Variants in CDH13 observed in about 807,000 individuals in gnomAD.
The protein encoded by CDH13 is cadherin-13.
Under a neutral mutation model 63.8 loss-of-function variants are expected in CDH13, and 24 were observed. The ratio of observed to expected loss-of-function variants is 0.38; its 90% CI spans 0.27 to 0.53. CDH13 has a LOEUF of 0.53. Ranked by LOEUF, CDH13 falls within the 20% of genes least tolerant of loss-of-function variation. The probability of loss-of-function intolerance (pLI) is 0.85; values close to 1 mark genes in which losing one functional copy is unlikely to be tolerated. For missense variants in CDH13, 1,049 were observed against 903.1 expected, an observed-to-expected ratio of 1.16 and a Z score of -2.07; for synonymous variants, 503 against 355.3, an observed-to-expected ratio of 1.42 and a Z score of -4.67.
intron 6 of CDH13, among the ~76,000 whole-genome samples, chr16:83,482,558 T>C (rs966563352): frequency 6.6e-6 from 1 of 152,240 alleles, no homozygotes; most frequent in Non-Finnish European, 1.5e-5. Context: ...ATTTAGAGAA[T>C]GCTGGTTTAG....
At chr16:83,652,146 C>A (rs1322356981) in intron 8 of CDH13, among the ~76,000 whole-genome samples, 1 of 152,114 alleles carries the variant, frequency 6.6e-6, no homozygotes, top group Non-Finnish European at 1.5e-5. Flanking sequence ...ACAGTCGGGC[C>A]CAAGGGGTCT....
chr16:83,279,365 T>A (rs2089091746), intron 5 of CDH13, among the ~76,000 whole-genome samples: 1 of 152,220 alleles, frequency 6.6e-6, no homozygotes, highest in Non-Finnish European at 1.5e-5. Flanking sequence ...ATAGTCACAA[T>A]GCCGAGGGGC....
intron 2 of CDH13, among the ~76,000 whole-genome samples, chr16:82,934,364 G>T (rs1432277221): frequency 1.3e-5 from 2 of 152,186 alleles, no homozygotes; most frequent in Non-Finnish European, 2.9e-5. Context: ...CTGGGACACA[G>T]AGCACTAAGT....
At position 83,800,112 on chromosome 16, in the gene CDH13, C is replaced by T. The variant is rs1597250544; in HGVS notation, c.*5082C>T. 6.6e-6 allele frequency: 1 copy of T among 152,208 alleles called. No individual in the cohort carries two copies. Among genetic ancestry groups the T allele is most frequent in the East Asian group, 1.9e-4 (1 of 5,182 alleles). The allele number at this position is 152,208 out of a possible 1,614,324, so 9.4% of individuals were successfully genotyped here. A position where few individuals can be genotyped will look rare whatever the true frequency, so the allele number is the denominator to read the frequency against. On this transcript the variant is annotated 3_prime_UTR_variant, in exon 14 of 14. Coordinates refer to ENST00000567109, the MANE Select transcript of CDH13 (RefSeq NM_001257.5). Reference sequence around the variant, plus strand: ...CTTTGAACCATTTTATTTGACTTTCCACGTGCCGTCTCATTGGTAGGGAGA... The same window carrying T: ...CTTTGAACCATTTTATTTGACTTTCTACGTGCCGTCTCATTGGTAGGGAGA...
intron 2 of CDH13, among the ~76,000 whole-genome samples, chr16:82,862,544 A>G (rs1361645307): frequency 7.8e-6 from 1 of 128,422 alleles, no homozygotes; most frequent in African/African-American, 3.1e-5. Flanking sequence ...CCACATAGCC[A>G]CCATTAGAAC....
intron 10 of CDH13, among the ~76,000 whole-genome samples, chr16:83,684,340 C>T (rs906250401): frequency 3.3e-5 from 5 of 151,900 alleles, no homozygotes; most frequent in Non-Finnish European, 5.9e-5. Flanking sequence ...GGTGCAACTG[C>T]ACTCCAGTGT....
In CDH13 at chr16:83,767,746, CA is replaced by C. The variant is rs146150827; in HGVS notation, c.1682-12216del. ...TATGCTAAGTGAAAGAATCCAGACC[CA>C]AAAAACTACCTACTATATGACTCCA... On this transcript the variant is annotated intron_variant, in intron 11 of 13. Transcript: ENST00000567109. Among the ~76,000 whole-genome samples the C allele has an allele frequency of 5.5e-3, 838 of 152,228 alleles. 4 individuals carry two copies. Among genetic ancestry groups the C allele is most frequent in the South Asian group, 0.016 (78 of 4,826 alleles).
intron 1 of CDH13, among the ~76,000 whole-genome samples, chr16:82,742,665 A>G (rs1597453215): frequency 6.6e-6 from 1 of 152,322 alleles, no homozygotes; most frequent in Admixed American, 6.5e-5. Flanking sequence ...TGCAATGAGG[A>G]CTATAAAGGA....
chr16:83,477,380 T>C (rs879479122), intron 6 of CDH13, among the ~76,000 whole-genome samples: 1 of 152,196 alleles, frequency 6.6e-6, no homozygotes, highest in Admixed American at 6.5e-5. Context: ...CTGTGGTAAT[T>C]TCAGCTGCAT....
Position 83,229,307 on chromosome 16 carries a change from A to G in CDH13, c.636+11810A>G, listed in dbSNP as rs78171496. Reference sequence around the variant, plus strand: ...CTGGGGAAAAGAGATCAAAGAGAAAACTTTGCTTTCCCTGGAGCTCTGCCT... The same window carrying G: ...CTGGGGAAAAGAGATCAAAGAGAAAGCTTTGCTTTCCCTGGAGCTCTGCCT... On this transcript the variant is annotated intron_variant, in intron 5 of 13. Transcript: ENST00000567109. 7.1e-3 allele frequency among the ~76,000 whole-genome samples: 1,083 copies of G among 152,276 alleles called. 14 individuals carry two copies. The highest frequency in any genetic ancestry group is 0.024 in the African/African-American group (1,017 of 41,544).
chr16:83,557,740 G>T (rs1017338750), intron 7 of CDH13, among the ~76,000 whole-genome samples: 1 of 151,972 alleles, frequency 6.6e-6, no homozygotes, highest in Non-Finnish European at 1.5e-5. Flanking sequence ...TACTTGGTTG[G>T]TACCTTTCAT....
intron 2 of CDH13, among the ~76,000 whole-genome samples, chr16:82,949,371 G>A (rs933048139): frequency 3.6e-4 from 55 of 152,166 alleles, no homozygotes; most frequent in African/African-American, 1.2e-3. Context: ...TGGACCCCAC[G>A]CATACTGGAA....
chr16:83,080,290 G>C (rs2033144148), intron 3 of CDH13, among the ~76,000 whole-genome samples: 1 of 152,172 alleles, frequency 6.6e-6, no homozygotes, highest in Admixed American at 6.5e-5. Context: ...AATTCGCTGA[G>C]ACTAGGAATT....
intron 6 of CDH13, among the ~76,000 whole-genome samples, chr16:83,457,087 G>A (rs370800154): frequency 2.6e-5 from 4 of 152,160 alleles, no homozygotes; most frequent in African/African-American, 4.8e-5. Flanking sequence ...TCTCAGAGGC[G>A]ATGGAGGATG....
chr16:82,912,115 G>A (rs2041850168), intron 2 of CDH13, among the ~76,000 whole-genome samples: 1 of 152,060 alleles, frequency 6.6e-6, no homozygotes, highest in South Asian at 2.1e-4. Flanking sequence ...GAAACCTGTG[G>A]GAACAGCAGC....
chr16:83,081,473 C>A (rs755229398), intron 3 of CDH13, among the ~76,000 whole-genome samples: 4 of 152,170 alleles, frequency 2.6e-5, no homozygotes, highest in Non-Finnish European at 5.9e-5. Flanking sequence ...CTTTTAAATG[C>A]ACAGAGTGTA....
At chr16:82,688,230 G>A (rs1915280858) in intron 1 of CDH13, among the ~76,000 whole-genome samples, 1 of 152,184 alleles carries the variant, frequency 6.6e-6, no homozygotes, top group Non-Finnish European at 1.5e-5. Flanking sequence ...GCTACTTCCA[G>A]GCTGTGTCTC....
At chr16:83,451,032 G>A (rs2072873521) in intron 6 of CDH13, among the ~76,000 whole-genome samples, 1 of 152,180 alleles carries the variant, frequency 6.6e-6, no homozygotes, top group South Asian at 2.1e-4. Flanking sequence ...CTGAGAATCT[G>A]GATTTTTAAT....
At chr16:83,073,515 C>G (rs1415634122) in intron 3 of CDH13, among the ~76,000 whole-genome samples, 1 of 151,848 alleles carries the variant, frequency 6.6e-6, no homozygotes, top group Non-Finnish European at 1.5e-5. Flanking sequence ...ACACACATGG[C>G]GATGAGAATT....
Sources: allele counts gnomAD v4.1 joint callset (sites outside exome capture counted in the v4.1 genomes callset), GRCh38; gene constraint gnomAD v4.1.1; transcripts MANE v1.5; gene names NCBI Gene and HGNC (gene_info 2026-07-23, HGNC 2026-07-21).